The following NBR1 variants were observed in gnomAD, a reference collection of about 807,000 sequenced individuals.
The protein encoded by NBR1 is next to BRCA1 gene 1 protein.
In NBR1, 59 loss-of-function variants were observed where a neutral mutation model predicts 115.5. The observed-to-expected ratio is 0.51, with a 90% CI of 0.41 to 0.63. NBR1 has a LOEUF of 0.63. NBR1 is among the 30% of genes least tolerant of loss of function. NBR1 has a pLI of 0.00. For missense variants in NBR1, 1,043 were observed against 1,150.5 expected, an observed-to-expected ratio of 0.91 and a Z score of 1.35; for synonymous variants, 373 against 414.7, an observed-to-expected ratio of 0.90 and a Z score of 1.22.
chr17:43,203,673 C>A lies in NBR1; in HGVS notation c.2622-8C>A. ...TGTTTGGGGAGATAATTTGGTTTTCCTCTGCAGGCACCATCATGGGAGCAG... is the reference window on the plus strand; with the variant it reads ...TGTTTGGGGAGATAATTTGGTTTTCATCTGCAGGCACCATCATGGGAGCAG... On this transcript the variant is annotated splice_polypyrimidine_tract_variant and splice_region_variant and intron_variant, in intron 19 of 20. Coordinates refer to ENST00000590996, the MANE Select transcript of NBR1 (RefSeq NM_005899.5). 1 of 1,593,562 alleles carries A rather than the reference C, an allele frequency of 6.3e-7. No homozygotes were observed. Among genetic ancestry groups the A allele is most frequent in the Non-Finnish European group, 8.6e-7 (1 of 1,166,174 alleles).
chr17:43,202,338 C>G (rs928155363), intron 18 of NBR1, among the ~76,000 whole-genome samples: 5 of 152,078 alleles, frequency 3.3e-5, no homozygotes, highest in African/African-American at 9.7e-5. Context: ...TCCATCTCCC[C>G]CTTTCCTGAC....
chr17:43,186,407 G>T lies in NBR1; in HGVS notation c.365G>T (p.Gly122Val). The T allele has an allele frequency of 1.3e-6, 2 of 1,599,424 alleles. No homozygotes were observed. The highest frequency in any genetic ancestry group is 1.7e-6 in the Non-Finnish European group (2 of 1,174,162). The change falls in exon 6 of 21, where the codon GGA becomes GTA. Residue 122 changes from glycine to valine, a missense_variant. By Grantham distance (109) the Gly-to-Val change is moderately radical (BLOSUM62 -3). Transcript: ENST00000590996. ...AHYSSLVRVL[G>V]SDMKTPEDPA... The stretch of plus-strand genomic sequence containing the variant: ...TACTCTTCACTGGTGAGAGTCTTGG[G>T]ATCAGACATGAAGACCCCAGAGGAT...
chr17:43,196,914 G>C, intron 15 of NBR1, 28 bp from the exon 16 acceptor site: 2 of 1,612,954 alleles, frequency 1.2e-6, no homozygotes, highest in Non-Finnish European at 8.5e-7. Context: ...TAAACACCCA[G>C]TGCAGATAAG....
intron 10 of NBR1, among the ~76,000 whole-genome samples, chr17:43,192,571 G>A (rs531407153): frequency 4.5e-4 from 68 of 151,694 alleles, no homozygotes; most frequent in South Asian, 1.3e-3. Flanking sequence ...GGGTTTCACC[G>A]TGTTAGCCAG....
Position 43,211,212 on chromosome 17 carries a change from T to G in NBR1, c.*1138T>G, listed in dbSNP as rs2057410003. ...CTTGTCCATGAACCCAGGTTCTCAC[T>G]CTGTTTACAGAAGTGTGTTGAGTAC... is the stretch of plus-strand genomic sequence containing the variant. On this transcript the variant is annotated 3_prime_UTR_variant, in exon 21 of 21. Coordinates refer to ENST00000590996, the MANE Select transcript of NBR1 (RefSeq NM_005899.5). The G allele has an allele frequency of 6.5e-6, 1 of 153,008 alleles. No homozygotes were observed. Among genetic ancestry groups the G allele is most frequent in the South Asian group, 2.1e-4 (1 of 4,822 alleles). 9.5% of individuals were successfully genotyped at this position (153,008 alleles called of 1,614,324 possible).
intron 15 of NBR1, 21 bp downstream of exon 15, chr17:43,196,612 A>G: frequency 6.6e-7 from 1 of 1,503,862 alleles, no homozygotes; most frequent in Non-Finnish European, 9.1e-7. Flanking sequence ...AAACATTTGT[A>G]AAGTATTTGC....
chr17:43,193,690 G>A (rs1156319940), intron 12 of NBR1, 52 bp downstream of exon 12: 1 of 1,528,896 alleles, frequency 6.5e-7, no homozygotes, highest in East Asian at 2.4e-5. Flanking sequence ...TAGTTAGAGA[G>A]GAGATGGCTA....
At position 43,210,126 on chromosome 17, in the gene NBR1, C is replaced by T. The variant is rs1469983147; in HGVS notation, c.*52C>T. On this transcript the variant is annotated 3_prime_UTR_variant, in exon 21 of 21. Transcript: ENST00000590996. ...CTGCTGCTCAGAGATGATCTTTATT[C>T]TGTCATTGGGGTATGGGATAGAAGC... The T allele has an allele frequency of 3.9e-6, 6 of 1,541,808 alleles. No homozygotes were observed. The African/African-American group carries it at 6.9e-5, about 18-fold the overall frequency.
At position 43,175,916 on chromosome 17, in the gene NBR1, AT is replaced by A. The variant is rs758653294; in HGVS notation, c.102+19del. ...TCGAAGCTATGGTGAGTGTTACTTT[AT>A]TTTGTTTCTCCTTGGTTTAAGCATG... On this transcript the variant is annotated intron_variant, in intron 2 of 20. Coordinates refer to ENST00000590996, the MANE Select transcript of NBR1 (RefSeq NM_005899.5). 1.4e-6 allele frequency: 2 copies of A among 1,422,244 alleles called. No individual in the cohort carries two copies. The highest frequency in any genetic ancestry group is 2.0e-6 in the Non-Finnish European group (2 of 1,011,742). The allele number at this position is 1,422,244 out of a possible 1,614,324, so 88.1% of individuals were successfully genotyped here. A position where few individuals can be genotyped will look rare whatever the true frequency, so the allele number is the denominator to read the frequency against.
chr17:43,194,536 G>C (rs779605251), intron 13 of NBR1, 37 bp downstream of exon 13: 2 of 1,611,516 alleles, frequency 1.2e-6, no homozygotes, highest in Non-Finnish European at 8.5e-7. Context: ...AAGGGACAGA[G>C]GGAGAGAGCA....
chr17:43,186,859 T>C (rs1360816102), intron 6 of NBR1, among the ~76,000 whole-genome samples: 1 of 152,262 alleles, frequency 6.6e-6, no homozygotes, highest in Non-Finnish European at 1.5e-5. Context: ...TCATCCTTTT[T>C]TATGGCTGCG....
At position 43,184,452 on chromosome 17, in the gene NBR1, G is replaced by A. The variant is rs191227491; in HGVS notation, c.208-1798G>A. Among the ~76,000 whole-genome samples the A allele has an allele frequency of 4.3e-3, 579 of 135,540 alleles. 3 individuals carry two copies. Among genetic ancestry groups the A allele is most frequent in the African/African-American group, 0.015 (556 of 37,974 alleles). 88.9% of individuals were successfully genotyped at this position (135,540 alleles called of 152,430 possible). On this transcript the variant is annotated intron_variant, in intron 5 of 20. Coordinates refer to ENST00000590996, the MANE Select transcript of NBR1 (RefSeq NM_005899.5). ...GCCATCTCAGCTCATTGCAACCTCC[G>A]CCTCCTGGATTCAAGCAATTCTCCT...
At chr17:43,178,054 C>A (rs1295569113) in intron 3 of NBR1, 56 bp downstream of exon 3, 3 of 1,532,332 alleles carry the variant, frequency 2.0e-6, no homozygotes, top group African/African-American at 1.4e-5. Flanking sequence ...TCTTATTTCT[C>A]CAGTGATATG....
intron 20 of NBR1, among the ~76,000 whole-genome samples, chr17:43,207,235 A>G (rs965935257): frequency 6.6e-6 from 1 of 152,254 alleles, no homozygotes; most frequent in Non-Finnish European, 1.5e-5. Context: ...GTTGTCCCTC[A>G]GTATCTATGA....
chr17:43,195,861 C>G (rs956876022), intron 14 of NBR1: 1 of 152,246 alleles, frequency 6.6e-6, no homozygotes, highest in African/African-American at 2.4e-5. Flanking sequence ...CGGTAGCTCA[C>G]GCCTGTAATC....
intron 5 of NBR1, among the ~76,000 whole-genome samples, chr17:43,181,033 G>A (rs1238488860): frequency 1.3e-5 from 2 of 151,956 alleles, no homozygotes; most frequent in African/African-American, 4.8e-5. Flanking sequence ...CACCACGCCC[G>A]GCTAACTTTT....
intron 5 of NBR1, among the ~76,000 whole-genome samples, chr17:43,183,129 G>A (rs1304120347): frequency 6.6e-6 from 1 of 151,410 alleles, no homozygotes; most frequent in African/African-American, 2.4e-5. Context: ...CTAGGCTTAA[G>A]CAACCCATCC....
chr17:43,193,448 A>T lies in NBR1; in HGVS notation c.1334A>T (p.Glu445Val), dbSNP rs2056996368. The T allele has an allele frequency of 6.2e-7, 1 of 1,613,744 alleles. No individual in the cohort carries two copies. Among genetic ancestry groups the T allele is most frequent in the African/African-American group, 1.3e-5 (1 of 74,890 alleles). The change falls in exon 12 of 21, where the codon GAG becomes GTG. Residue 445 changes from glutamate to valine, a missense_variant. By Grantham distance (121) the Glu-to-Val change is moderately radical. Coordinates refer to ENST00000590996, the MANE Select transcript of NBR1 (RefSeq NM_005899.5). Reference sequence around the variant, plus strand: ...GGCCATGTGGGAGTTGTATCTGTGGAGTTCATTGCCCCAGCCTTGGAGGGA... The same window carrying T: ...GGCCATGTGGGAGTTGTATCTGTGGTGTTCATTGCCCCAGCCTTGGAGGGA... ...KAGHVGVVSV[E>V]FIAPALEGTY... is the part of the protein sequence containing the mutation.
chr17:43,178,045 C>G (rs1322832383), intron 3 of NBR1, 47 bp downstream of exon 3: 3 of 1,544,644 alleles, frequency 1.9e-6, no homozygotes, highest in Non-Finnish European at 2.7e-6. Context: ...GAATAGGGAT[C>G]TTATTTCTCC....
Sources: gnomAD v4.1 joint callset for allele counts (sites outside exome capture counted in the v4.1 genomes callset) on GRCh38, gnomAD v4.1.1 for gene constraint, MANE v1.5 for transcripts, NCBI Gene and HGNC (gene_info 2026-07-23, HGNC 2026-07-21) for gene names.